PARD3B: variants seen among roughly 807,000 people sequenced by gnomAD.
PARD3B encodes partitioning defective 3 homolog B.
In PARD3B, 103 loss-of-function variants were observed where a neutral mutation model predicts 130.2. The ratio of observed to expected loss-of-function variants is 0.79; its 90% confidence interval spans 0.67 to 0.93. PARD3B has a LOEUF of 0.93. Among genes scored for constraint, PARD3B ranks in the 40% least tolerant of loss-of-function variants. The pLI, the probability that PARD3B is intolerant of heterozygous loss-of-function variation, is 0.00. For missense variants in PARD3B, 1,609 were observed against 1,499.2 expected (o/e 1.07, Z -1.21); for synonymous variants, 583 against 553.2 (o/e 1.05, Z -0.76).
chr2:205,161,885 A>G (rs2034526187), intron 11 of PARD3B, among the ~76,000 whole-genome samples: 1 of 152,196 alleles, frequency 6.6e-6, no homozygotes, highest in Non-Finnish European at 1.5e-5. Flanking sequence ...ACTTTGAAAG[A>G]TATGACCAAA....
intron 1 of PARD3B, among the ~76,000 whole-genome samples, chr2:204,576,198 T>C (rs940833078): frequency 1.4e-4 from 22 of 152,168 alleles, no homozygotes; most frequent in African/African-American, 5.3e-4. Flanking sequence ...TTTTTAAAGT[T>C]ACACAGTAGC....
chr2:205,220,295 T>C (rs2125869613), intron 15 of PARD3B, among the ~76,000 whole-genome samples: 1 of 152,296 alleles, frequency 6.6e-6, no homozygotes, highest in East Asian at 1.9e-4. Flanking sequence ...CTCTTCCGCC[T>C]GTTCTCTCTC....
intron 4 of PARD3B, among the ~76,000 whole-genome samples, chr2:205,052,417 A>ATG (rs1259347181): frequency 1.0e-4 from 6 of 59,962 alleles, no homozygotes; most frequent in African/African-American, 3.9e-4. Context: ...TTATATATAT[A>ATG]TGTATATATA....
At chr2:205,383,083 CATAGATAG>C (rs59376156) in intron 18 of PARD3B, among the ~76,000 whole-genome samples, 12,149 of 78,508 alleles carry the variant, frequency 0.15, 764 homozygotes, top group African/African-American at 0.19. Flanking sequence ...GGAAAGTTTA[CATAGATAG>C]ATAGATAGAT....
chr2:205,549,248 A>C (rs1413054918), intron 21 of PARD3B, among the ~76,000 whole-genome samples: 3 of 152,178 alleles, frequency 2.0e-5, no homozygotes, highest in Admixed American at 6.5e-5. Flanking sequence ...TGCGAAACTA[A>C]ACATAGTCTC....
At chr2:205,167,029 T>C (rs1199844795) in intron 11 of PARD3B, among the ~76,000 whole-genome samples, 1 of 152,208 alleles carries the variant, frequency 6.6e-6, no homozygotes, top group Non-Finnish European at 1.5e-5. Flanking sequence ...CTCATATTCT[T>C]CAGTGGCTAG....
rs1342146201 is a variant in PARD3B, at chr2:205,244,170, G to C, written c.2141-1608G>C. Among the ~76,000 whole-genome samples, 2 of 152,206 alleles carry C rather than the reference G, an allele frequency of 1.3e-5. No individual in the cohort carries two copies. The highest frequency in any genetic ancestry group is 4.8e-5 in the African/African-American group (2 of 41,456). ...AAATAGCTTAGAAAAGGAGGGCTAG[G>C]TGGGAGTGGGAAGATTATGTATAGT... On this transcript the variant is annotated intron_variant, in intron 15 of 22. Transcript: ENST00000406610. This position sits in a 1 kb window ranked among gnomAD's most constrained non-coding sequence, Gnocchi z 4.7.
chr2:204,785,547 A>G lies in PARD3B; in HGVS notation c.222+99265A>G, dbSNP rs940202702. 2.6e-5 allele frequency among the ~76,000 whole-genome samples: 4 copies of G among 152,290 alleles called. 1 individual carries two copies. The highest frequency in any genetic ancestry group is 9.6e-5 in the African/African-American group (4 of 41,568). The stretch of plus-strand genomic sequence containing the variant: ...TTAAGGTTGGATAGATACTCCTGCC[A>G]TAACCTACCAAACCCATAAAAATAC... On this transcript the variant is annotated intron_variant, in intron 2 of 22. Transcript: ENST00000406610.
chr2:204,645,111 A>G (rs935444966), intron 1 of PARD3B, among the ~76,000 whole-genome samples: 2 of 152,162 alleles, frequency 1.3e-5, no homozygotes, highest in African/African-American at 4.8e-5. Flanking sequence ...TAAATGGAGA[A>G]AAGTCATTCT....
chr2:204,611,540 C>T (rs1334495844), intron 1 of PARD3B, among the ~76,000 whole-genome samples: 1 of 152,114 alleles, frequency 6.6e-6, no homozygotes, highest in African/African-American at 2.4e-5. Context: ...TATAAAAAGT[C>T]TGTTTTAAAG....
intron 1 of PARD3B, among the ~76,000 whole-genome samples, chr2:204,628,006 AT>A (rs2034547534): frequency 6.9e-6 from 1 of 144,702 alleles, no homozygotes; most frequent in Non-Finnish European, 1.5e-5. Flanking sequence ...TTTTTAGCTG[AT>A]TAGTGATCAT....
chr2:204,920,083 A>C (rs1014133374), intron 2 of PARD3B, among the ~76,000 whole-genome samples: 2 of 152,234 alleles, frequency 1.3e-5, no homozygotes, highest in African/African-American at 4.8e-5. Flanking sequence ...AATGTGTGTA[A>C]AGAACAATTA....
chr2:205,069,945 A>G (rs1700621154), intron 4 of PARD3B, among the ~76,000 whole-genome samples: 1 of 152,138 alleles, frequency 6.6e-6, no homozygotes, highest in African/African-American at 2.4e-5. Context: ...ATCCTATGAA[A>G]AGTAAGAGTA....
intron 2 of PARD3B, among the ~76,000 whole-genome samples, chr2:204,783,883 G>T (rs930683263): frequency 2.0e-5 from 3 of 152,042 alleles, no homozygotes; most frequent in Non-Finnish European, 4.4e-5. Context: ...TCTTCGATGA[G>T]ATTTCTTTTG....
chr2:204,703,768 A>G (rs1052411074), intron 2 of PARD3B, among the ~76,000 whole-genome samples: 1 of 152,170 alleles, frequency 6.6e-6, no homozygotes, highest in African/African-American at 2.4e-5. Context: ...CCCACCACAC[A>G]CTGAGAATGT....
At chr2:204,718,142 T>A (rs1204637400) in intron 2 of PARD3B, among the ~76,000 whole-genome samples, 1 of 152,100 alleles carries the variant, frequency 6.6e-6, no homozygotes, top group Non-Finnish European at 1.5e-5. Context: ...AATTAATGTC[T>A]CAGCATTTGT....
intron 16 of PARD3B, among the ~76,000 whole-genome samples, chr2:205,295,298 G>A (rs1397430615): frequency 6.6e-6 from 1 of 152,154 alleles, no homozygotes; most frequent in Non-Finnish European, 1.5e-5. Flanking sequence ...TCATAATAAG[G>A]CAAGGCCAAA....
chr2:204,924,396 A>G (rs1222974408), intron 2 of PARD3B, among the ~76,000 whole-genome samples: 1 of 152,022 alleles, frequency 6.6e-6, no homozygotes, highest in Non-Finnish European at 1.5e-5. Context: ...ATCTTTGTAA[A>G]ATTTCAAACT....
In PARD3B at chr2:205,253,313, C is replaced by A; in HGVS notation, c.2185+7491C>A. On this transcript the variant is annotated intron_variant, in intron 16 of 22. Transcript: ENST00000406610. The surrounding 1 kb of genome is among the most constrained non-coding windows in gnomAD (Gnocchi z 4.4). The stretch of plus-strand genomic sequence containing the variant: ...ATTAACACAAAGGCTCTGGCCGCCC[C>A]CCTACAAAGGAGGCCATGGAACCGA... 1.9e-6 allele frequency: 1 copy of A among 519,736 alleles called. No individual in the cohort carries two copies. The highest frequency in any genetic ancestry group is 1.5e-5 in the South Asian group (1 of 67,994). 32.2% of individuals were successfully genotyped at this position (519,736 alleles called of 1,614,324 possible). A position where few individuals can be genotyped will look rare whatever the true frequency, so the allele number is the denominator to read the frequency against.
Sources: allele counts gnomAD v4.1 joint callset (sites outside exome capture counted in the v4.1 genomes callset), GRCh38; gene constraint gnomAD v4.1.1; non-coding constraint Gnocchi (gnomAD v3.1); transcripts MANE v1.5; gene names NCBI Gene and HGNC (gene_info 2026-07-23, HGNC 2026-07-21).